Variants in DOCK7 observed in about 807,000 individuals in gnomAD.
DOCK7 encodes dedicator of cytokinesis protein 7.
A neutral mutation model predicts 271.0 loss-of-function variants in DOCK7; 138 were observed. The observed-to-expected ratio is 0.51, with a 90% confidence interval of 0.44 to 0.59. The LOEUF is 0.59. Ranked by LOEUF, DOCK7 falls within the 20% of genes least tolerant of loss-of-function variation. DOCK7 has a pLI of 0.00. For missense variants in DOCK7, 2,066 were observed against 2,592.4 expected (o/e 0.80, Z 4.41); for synonymous variants, 823 against 876.1 (o/e 0.94, Z 1.07).
intron 7 of DOCK7, among the ~76,000 whole-genome samples, chr1:62,638,901 G>T (rs1390136718): frequency 6.6e-6 from 1 of 151,638 alleles, no homozygotes; most frequent in South Asian, 2.1e-4. Flanking sequence ...AAACATGTAG[G>T]TCCTTTTTTA....
intron 22 of DOCK7, among the ~76,000 whole-genome samples, chr1:62,549,674 G>T (rs1160314512): frequency 6.6e-6 from 1 of 151,778 alleles, no homozygotes; most frequent in Non-Finnish European, 1.5e-5. Context: ...TACACTTCTA[G>T]TTATTTTTAA....
In DOCK7 at chr1:62,545,577, A is replaced by G. The variant is rs549498104; in HGVS notation, c.2767-538T>C. 1.2e-4 allele frequency among the ~76,000 whole-genome samples: 19 copies of G among 152,150 alleles called. No individual in the cohort carries two copies. The East Asian group carries it at 1.3e-3, about 11-fold the overall frequency. Reference sequence around the variant, plus strand: ...AGGAGAAATAAAGTAAAAACTTAAGAAAAAAATGATACCTAATATTTACTC... The same window carrying G: ...AGGAGAAATAAAGTAAAAACTTAAGGAAAAAATGATACCTAATATTTACTC... On this transcript the variant is annotated intron_variant, in intron 22 of 49. Transcript: ENST00000635253.
intron 1 of DOCK7, among the ~76,000 whole-genome samples, chr1:62,685,238 G>A (rs1661595397): frequency 6.6e-6 from 1 of 152,288 alleles, no homozygotes; most frequent in Middle Eastern, 3.4e-3. Flanking sequence ...GGAAAACGAG[G>A]CAGAAGTGTG....
chr1:62,657,595 T>C (rs1185804009), intron 2 of DOCK7, among the ~76,000 whole-genome samples: 2 of 152,142 alleles, frequency 1.3e-5, no homozygotes, highest in African/African-American at 4.8e-5. Context: ...GATCTTAGCA[T>C]TATATGACAA....
intron 14 of DOCK7, among the ~76,000 whole-genome samples, chr1:62,611,707 T>G (rs1651807717): frequency 6.6e-6 from 1 of 152,092 alleles, no homozygotes; most frequent in African/African-American, 2.4e-5. Context: ...CTGGCCAAGC[T>G]CTTCCTTGAA....
chr1:62,620,321 A>T (rs762913899), intron 12 of DOCK7, among the ~76,000 whole-genome samples: 1 of 140,576 alleles, frequency 7.1e-6, no homozygotes, highest in Non-Finnish European at 1.6e-5. Context: ...TCTCAAAAAT[A>T]AAAATAAATA....
chr1:62,604,350 T>G (rs1474979404), intron 14 of DOCK7: 1 of 1,323,910 alleles, frequency 7.6e-7, no homozygotes, highest in Non-Finnish European at 1.1e-6. Flanking sequence ...ATAAGCGTTT[T>G]CTCTCTAGAC....
At chr1:62,618,645 C>A in intron 14 of DOCK7, 61 bp downstream of exon 14, 1 of 1,435,030 alleles carries the variant, frequency 7.0e-7, no homozygotes, top group South Asian at 1.2e-5. Context: ...TCTAGTTATA[C>A]TTTAATATTT....
chr1:62,576,180 T>C (rs910091795), intron 18 of DOCK7, among the ~76,000 whole-genome samples: 2 of 152,242 alleles, frequency 1.3e-5, no homozygotes, highest in South Asian at 4.1e-4. Context: ...ATAGTGTTTA[T>C]ACTCTATAGA....
Position 62,663,009 on chromosome 1 carries a change from T to G in DOCK7, c.144+16A>C, listed in dbSNP as rs1432126236. The G allele has an allele frequency of 6.3e-7, 1 of 1,589,192 alleles. No individual in the cohort carries two copies. ...CATACACCAAGAAGAGACTATATTT[T>G]GAATACGTTACTTACTGTGGTGTGA... On this transcript the variant is annotated intron_variant, in intron 2 of 49. Coordinates refer to ENST00000635253, the MANE Select transcript of DOCK7 (RefSeq NM_001367561.1).
rs1645309053 is a variant in DOCK7 at position 62,455,066 on chromosome 1, T to TAA, written c.*346_*347dup. ...CCTTTAAAATAAGCATTACTACATT[T>TAA]AAAATGGTTCCAAAATGAATCTATA... On this transcript the variant is annotated 3_prime_UTR_variant, in exon 50 of 50. Transcript: ENST00000635253. 1 of 487,310 alleles carries TAA rather than the reference T, an allele frequency of 2.1e-6. No homozygotes were observed. Among genetic ancestry groups the TAA allele is most frequent in the South Asian group, 3.7e-5 (1 of 26,780 alleles). The allele number at this position is 487,310 out of a possible 1,614,324, so 30.2% of individuals were successfully genotyped here. A position where few individuals can be genotyped will look rare whatever the true frequency, so the allele number is the denominator to read the frequency against.
At chr1:62,500,387 GA>G (rs1646747088) in intron 37 of DOCK7, among the ~76,000 whole-genome samples, 2 of 151,986 alleles carry the variant, frequency 1.3e-5, no homozygotes, top group South Asian at 4.1e-4. Flanking sequence ...AAATGAAGAT[GA>G]AATTTTAAAA....
intron 48 of DOCK7, among the ~76,000 whole-genome samples, chr1:62,471,357 G>A (rs1297195930): frequency 6.6e-6 from 1 of 152,094 alleles, no homozygotes; most frequent in Non-Finnish European, 1.5e-5. Flanking sequence ...TACATACTGT[G>A]AGCCAATAAA....
Position 62,528,133 on chromosome 1 carries a change from TAGG to T in DOCK7, c.3936+15_3936+17del. 4 of 1,592,788 alleles carry T rather than the reference TAGG, an allele frequency of 2.5e-6. No homozygotes were observed. Among genetic ancestry groups the T allele is most frequent in the Non-Finnish European group, 3.4e-6 (4 of 1,169,892 alleles). ...TGTCTTTCTAGAAAAAAAAATTCTGTAGGAGGATTGTTTTTACCGTTGACGTGA... is the reference window on the plus strand; with the variant it reads ...TGTCTTTCTAGAAAAAAAAATTCTGTAGGATTGTTTTTACCGTTGACGTGA... On this transcript the variant is annotated intron_variant, in intron 31 of 49. Transcript: ENST00000635253.
intron 14 of DOCK7, among the ~76,000 whole-genome samples, chr1:62,618,488 A>T (rs966093417): frequency 2.8e-4 from 42 of 152,318 alleles, no homozygotes; most frequent in African/African-American, 9.9e-4. Flanking sequence ...TGAGGATTAA[A>T]TAAGACTAAA....
chr1:62,625,989 A>C (rs947907792), intron 11 of DOCK7, among the ~76,000 whole-genome samples: 1 of 152,228 alleles, frequency 6.6e-6, no homozygotes, highest in Non-Finnish European at 1.5e-5. Flanking sequence ...CTATATACTA[A>C]GCCATAAAAC....
At chr1:62,498,208 C>T (rs540116354) in intron 37 of DOCK7, among the ~76,000 whole-genome samples, 1 of 152,188 alleles carries the variant, frequency 6.6e-6, no homozygotes, top group East Asian at 1.9e-4. Flanking sequence ...GTCTGGGCAA[C>T]AGAGTAAGAC....
Position 62,552,806 on chromosome 1 carries a change from T to C in DOCK7, c.2692A>G (p.Ser898Gly). ...SLNLNRSRSL[S>G]NSNPDISGTP... ...CCAGATATATCTGGATTGCTATTAC[T>C]AAGGCTTCGAGAACGATTTAAATTA... The change falls in exon 22 of 50, where the codon AGT becomes GGT. Residue 898 changes from serine to glycine, a missense_variant. Physicochemically the swap from Ser to Gly is moderately conservative, Grantham distance 56. Coordinates refer to ENST00000635253, the MANE Select transcript of DOCK7 (RefSeq NM_001367561.1). The C allele has an allele frequency of 2.5e-6, 4 of 1,614,018 alleles. No individual in the cohort carries two copies. The highest frequency in any genetic ancestry group is 1.1e-5 in the South Asian group (1 of 91,062).
chr1:62,583,299 T>C (rs368092698), intron 15 of DOCK7, 45 bp from the exon 16 acceptor site: 74 of 1,512,164 alleles, frequency 4.9e-5, no homozygotes, highest in Non-Finnish European at 6.7e-5. Context: ...TAGTAAATGC[T>C]GGATGTTTCA....
Sources: allele counts gnomAD v4.1 joint callset (sites outside exome capture counted in the v4.1 genomes callset), GRCh38; gene constraint gnomAD v4.1.1; transcripts MANE v1.5; gene names NCBI Gene and HGNC (gene_info 2026-07-23, HGNC 2026-07-21).